Variants in THADA observed in about 807,000 individuals in gnomAD.
THADA encodes tRNA (32-2'-O)-methyltransferase regulator THADA.
In THADA, 213 loss-of-function variants were observed where a neutral mutation model predicts 219.8. The ratio of observed to expected loss-of-function variants is 0.97; its 90% CI spans 0.87 to 1.09. The LOEUF (loss-of-function observed/expected upper bound fraction) is 1.09. Ranked by LOEUF, THADA falls within the 50% of genes least tolerant of loss-of-function variation. The pLI is 0.00. For synonymous variants in THADA, 1,018 were observed against 828.9 expected, an observed-to-expected ratio of 1.23 and a Z score of -3.92; for missense variants, 2,956 against 2,311.3, an observed-to-expected ratio of 1.28 and a Z score of -5.72.
chr2:43,448,971 G>A (rs769697044), intron 26 of THADA, among the ~76,000 whole-genome samples: 1 of 152,068 alleles, frequency 6.6e-6, no homozygotes, highest in African/African-American at 2.4e-5. Flanking sequence ...AAGGGGGGGC[G>A]GGGAACCCAA....
chr2:43,448,923 C>T (rs183747289), intron 26 of THADA, among the ~76,000 whole-genome samples: 5 of 152,182 alleles, frequency 3.3e-5, no homozygotes, highest in East Asian at 1.9e-4. Flanking sequence ...CAAAACCCTG[C>T]TAGGCATACA....
At chr2:43,589,573 T>G (rs1701341140) in intron 4 of THADA, among the ~76,000 whole-genome samples, 1 of 152,170 alleles carries the variant, frequency 6.6e-6, no homozygotes, top group African/African-American at 2.4e-5. Context: ...CTATGTACAC[T>G]TAAAAATGGT....
At chr2:43,485,864 C>CA (rs113474710) in intron 25 of THADA, among the ~76,000 whole-genome samples, 275 of 134,484 alleles carry the variant, frequency 2.0e-3, no homozygotes, top group Middle Eastern at 4.1e-3. Flanking sequence ...ACCCCCATCT[C>CA]AAAAAAAAAA....
intron 29 of THADA, among the ~76,000 whole-genome samples, chr2:43,377,338 T>A (rs916343629): frequency 2.6e-5 from 4 of 152,132 alleles, no homozygotes; most frequent in Non-Finnish European, 4.4e-5. Context: ...ATTCAGTCAA[T>A]GCTTGACTGA....
chr2:43,374,629 C>T (rs1404476861), intron 29 of THADA, among the ~76,000 whole-genome samples: 1 of 152,060 alleles, frequency 6.6e-6, no homozygotes, highest in African/African-American at 2.4e-5. Context: ...TACGAAGGAA[C>T]CTTTAAAATG....
In THADA at chr2:43,400,482, T is replaced by TAC. The variant is rs1179805080; in HGVS notation, c.4059-2344_4059-2343insGT. ...TTATATATATATATATATATAAATA[T>TAC]ATACACTAAGAAAAAAAATTTCTAG... On this transcript the variant is annotated intron_variant, in intron 28 of 37. Coordinates refer to ENST00000405975, the MANE Select transcript of THADA (RefSeq NM_022065.5). Among the ~76,000 whole-genome samples the TAC allele has an allele frequency of 5.2e-4, 76 of 146,738 alleles. 2 individuals carry two copies. The highest frequency in any genetic ancestry group is 1.8e-3 in the African/African-American group (72 of 40,220).
chr2:43,235,528 A>G (rs1477104672), intron 36 of THADA, among the ~76,000 whole-genome samples: 1 of 151,950 alleles, frequency 6.6e-6, no homozygotes, highest in African/African-American at 2.4e-5. Context: ...CCTGACCTCA[A>G]GTGATCTGCC....
chr2:43,385,489 C>G, intron 29 of THADA, among the ~76,000 whole-genome samples: 1 of 151,866 alleles, frequency 6.6e-6, no homozygotes, highest in Non-Finnish European at 1.5e-5. Context: ...TGCCTGCAGT[C>G]CCAGTTACTC....
rs374226166 is a variant in THADA, at chr2:43,398,145, G to A, written c.4059-6C>T. 6.2e-7 allele frequency: 1 copy of A among 1,613,054 alleles called. No individual in the cohort carries two copies. Among genetic ancestry groups the A allele is most frequent in the Non-Finnish European group, 8.5e-7 (1 of 1,179,350 alleles). On this transcript the variant is annotated splice_polypyrimidine_tract_variant and splice_region_variant and intron_variant, in intron 28 of 37. Transcript: ENST00000405975. ...AGACAGGTGAGTGACCACACCTGGG[G>A]AGAAATAAAAACACAAGACCATTCA...
At chr2:43,238,657 A>G (rs1435798336) in intron 36 of THADA, among the ~76,000 whole-genome samples, 1 of 152,254 alleles carries the variant, frequency 6.6e-6, no homozygotes, top group Non-Finnish European at 1.5e-5. Context: ...AAACTTGTAC[A>G]TAAATGTTCA....
intron 8 of THADA, among the ~76,000 whole-genome samples, chr2:43,579,219 A>AGGTTC (rs2104074463): frequency 6.6e-6 from 1 of 152,292 alleles, no homozygotes; most frequent in Non-Finnish European, 1.5e-5. Context: ...TTCCTCGCCA[A>AGGTTC]CTATTGCTTC....
chr2:43,249,666 A>G (rs1000347978), intron 36 of THADA, among the ~76,000 whole-genome samples: 9 of 152,176 alleles, frequency 5.9e-5, no homozygotes, highest in African/African-American at 1.9e-4. Context: ...TGTACCAGCC[A>G]TGGGTATTTT....
At chr2:43,311,090 C>T (rs746990813) in intron 31 of THADA, among the ~76,000 whole-genome samples, 3 of 152,030 alleles carry the variant, frequency 2.0e-5, no homozygotes, top group Non-Finnish European at 2.9e-5. Context: ...GCAGGAGAAT[C>T]GCTTGAAACC....
chr2:43,411,533 C>CA (rs1254566318), intron 28 of THADA, among the ~76,000 whole-genome samples: 1 of 152,146 alleles, frequency 6.6e-6, no homozygotes, highest in Non-Finnish European at 1.5e-5. Context: ...ATATTTTGAA[C>CA]AGCCTTTTAA....
chr2:43,558,089 G>T (rs1329719230), intron 16 of THADA, among the ~76,000 whole-genome samples: 1 of 152,158 alleles, frequency 6.6e-6, no homozygotes. Flanking sequence ...ATAATAAATA[G>T]CCTTTGAAGT....
chr2:43,358,809 T>G (rs1050724907), intron 29 of THADA, among the ~76,000 whole-genome samples: 1 of 152,202 alleles, frequency 6.6e-6, no homozygotes, highest in African/African-American at 2.4e-5. Flanking sequence ...GACAGACTCC[T>G]CTTTTAGAAA....
At chr2:43,520,415 C>T (rs993739000) in intron 22 of THADA, among the ~76,000 whole-genome samples, 2 of 152,090 alleles carry the variant, frequency 1.3e-5, no homozygotes, top group African/African-American at 4.8e-5. Flanking sequence ...TGGCCAGGCG[C>T]GGTGGCTCAT....
chr2:43,308,773 A>T (rs1292105230), intron 31 of THADA, among the ~76,000 whole-genome samples: 1 of 150,288 alleles, frequency 6.7e-6, no homozygotes, highest in African/African-American at 2.4e-5. Flanking sequence ...AAAAAAAAAA[A>T]AAAAAAAAAA....
At chr2:43,291,856 T>C in intron 33 of THADA, 88 bp from the exon 34 acceptor site, 1 of 1,192,454 alleles carries the variant, frequency 8.4e-7, no homozygotes, top group Non-Finnish European at 1.2e-6. Context: ...CTGTAATCCA[T>C]GCAGAGGTGA....
Sources: gnomAD v4.1 joint callset for allele counts (sites outside exome capture counted in the v4.1 genomes callset) on GRCh38, gnomAD v4.1.1 for gene constraint, MANE v1.5 for transcripts, NCBI Gene and HGNC (gene_info 2026-07-23, HGNC 2026-07-21) for gene names.